PTBP3: variants seen among roughly 807,000 people sequenced by gnomAD.
The protein encoded by PTBP3 is polypyrimidine tract-binding protein 3.
PTBP3 carries 20 observed loss-of-function variants against 58.7 expected under a neutral mutation model. The ratio of observed to expected loss-of-function variants is 0.34; its 90% CI spans 0.24 to 0.50. PTBP3 has a LOEUF of 0.50. PTBP3 is among the 20% of genes least tolerant of loss of function. PTBP3 has a pLI of 0.98. For missense variants in PTBP3, 509 were observed against 637.2 expected, an observed-to-expected ratio of 0.80 and a Z score of 2.17; for synonymous variants, 185 against 219.8, an observed-to-expected ratio of 0.84 and a Z score of 1.40.
chr9:112,220,313 C>G lies in PTBP3; in HGVS notation c.*3538G>C. ...AGGCGTGGTGGCTCATGCCTGTAATCCCAGCACTGTGGGGAGGTGGAAGCA... is the reference window on the plus strand; with the variant it reads ...AGGCGTGGTGGCTCATGCCTGTAATGCCAGCACTGTGGGGAGGTGGAAGCA... On this transcript the variant is annotated 3_prime_UTR_variant, in exon 14 of 14. Coordinates refer to ENST00000374257, the MANE Select transcript of PTBP3 (RefSeq NM_001163788.4). 1 of 1,307,828 alleles carries G rather than the reference C, an allele frequency of 7.6e-7. No homozygotes were observed. Among genetic ancestry groups the G allele is most frequent in the Non-Finnish European group, 1.0e-6 (1 of 998,604 alleles). The allele number at this position is 1,307,828 out of a possible 1,614,324, so 81.0% of individuals were successfully genotyped here. A position where few individuals can be genotyped will look rare whatever the true frequency, so the allele number is the denominator to read the frequency against.
chr9:112,251,124 A>T, intron 6 of PTBP3, 21 bp from the exon 7 acceptor site: 1 of 1,526,788 alleles, frequency 6.5e-7, no homozygotes, highest in Non-Finnish European at 8.8e-7. Flanking sequence ...TAAGAAAGGG[A>T]CTGGTTTTGG....
chr9:112,359,103 G>C, the PTBP3 span, among the ~76,000 whole-genome samples: 3 of 151,974 alleles, frequency 2.0e-5, no homozygotes, highest in African/African-American at 7.2e-5. Flanking sequence ...TCAAAGTGCT[G>C]GGATTACAGG....
intron 1 of PTBP3, among the ~76,000 whole-genome samples, chr9:112,330,044 G>T (rs1036492583): frequency 2.0e-5 from 3 of 151,856 alleles, no homozygotes; most frequent in Admixed American, 6.6e-5. Context: ...TAGAGATAGG[G>T]TTTCACTATG....
chr9:112,268,864 T>C (rs765647901), intron 3 of PTBP3, among the ~76,000 whole-genome samples: 46 of 152,276 alleles, frequency 3.0e-4, no homozygotes, highest in Non-Finnish European at 6.3e-4. Flanking sequence ...TGTAAACGGA[T>C]GCTTTCAGCG....
chr9:112,315,846 A>G (rs1055891722), intron 1 of PTBP3, among the ~76,000 whole-genome samples: 1 of 152,204 alleles, frequency 6.6e-6, no homozygotes, highest in African/African-American at 2.4e-5. Flanking sequence ...TTGTCTTTCA[A>G]GGAATTTGTA....
intron 7 of PTBP3, among the ~76,000 whole-genome samples, chr9:112,237,466 T>C (rs1835478744): frequency 1.3e-5 from 2 of 152,172 alleles, no homozygotes; most frequent in South Asian, 4.2e-4. Context: ...ACCCATGAAA[T>C]CAGTTTATCA....
the PTBP3 span, among the ~76,000 whole-genome samples, chr9:112,378,418 C>G: frequency 6.6e-6 from 1 of 152,114 alleles, no homozygotes; most frequent in Non-Finnish European, 1.5e-5. Context: ...GCTCTCTTTC[C>G]GTAACAAATG....
At position 112,221,226 on chromosome 9, in the gene PTBP3, T is replaced by C. The variant is rs982330002; in HGVS notation, c.*2625A>G. The C allele has an allele frequency of 1.0e-6, 1 of 985,266 alleles. No homozygotes were observed. Among genetic ancestry groups the C allele is most frequent in the Non-Finnish European group, 1.2e-6 (1 of 829,410 alleles). The allele number at this position is 985,266 out of a possible 1,614,324, so 61.0% of individuals were successfully genotyped here. A position where few individuals can be genotyped will look rare whatever the true frequency, so the allele number is the denominator to read the frequency against. ...AATGTATGTAATGTGCATATGTATA[T>C]ACAACTTTAGAAGAGTGTATTTATG... On this transcript the variant is annotated 3_prime_UTR_variant, in exon 14 of 14. Transcript: ENST00000374257.
At chr9:112,327,322 T>C (rs1306253365) in intron 1 of PTBP3, among the ~76,000 whole-genome samples, 1 of 151,978 alleles carries the variant, frequency 6.6e-6, no homozygotes, top group Non-Finnish European at 1.5e-5. Flanking sequence ...TCCCAGCACT[T>C]TGGGAGGCCG....
chr9:112,292,524 A>T (rs1828482511), intron 2 of PTBP3, among the ~76,000 whole-genome samples: 1 of 152,226 alleles, frequency 6.6e-6, no homozygotes. Context: ...AAGAGGTGGA[A>T]GCAACCTAAA....
intron 7 of PTBP3, among the ~76,000 whole-genome samples, chr9:112,246,976 T>C (rs571956054): frequency 7.6e-4 from 116 of 152,252 alleles, no homozygotes; most frequent in African/African-American, 2.6e-3. Context: ...GACATCTATA[T>C]TGAAAGACAT....
chr9:112,307,521 T>C lies in PTBP3; in HGVS notation c.-51-9605A>G, dbSNP rs557133118. ...CCGGGAAATGTTTTATCATTCTTTA[T>C]ATAAAATAAACAAGACGTTTCTGAA... On this transcript the variant is annotated intron_variant, in intron 1 of 13. Coordinates refer to ENST00000374257, the MANE Select transcript of PTBP3 (RefSeq NM_001163788.4). 1.6e-4 allele frequency among the ~76,000 whole-genome samples: 25 copies of C among 152,326 alleles called. No homozygotes were observed. The South Asian group carries it at 5.0e-3, about 30-fold the overall frequency.
rs1835476577 is a variant in PTBP3, at chr9:112,237,408, A to G, written c.803-2511T>C. On this transcript the variant is annotated intron_variant, in intron 7 of 13. Transcript: ENST00000374257. ...CTTCACATTTGGAAAATGTACCACC[A>G]TGATAGCAACCAAGGCAATACGAAT... Among the ~76,000 whole-genome samples, 4 of 152,176 alleles carry G rather than the reference A, an allele frequency of 2.6e-5. No individual in the cohort carries two copies. In the South Asian group the frequency reaches 6.2e-4, roughly 24 times the overall value.
chr9:112,268,092 G>A lies in PTBP3; in HGVS notation c.308C>T (p.Ser103Phe), dbSNP rs779530124. The A allele has an allele frequency of 1.9e-6, 3 of 1,613,496 alleles. No individual in the cohort carries two copies. The highest frequency in any genetic ancestry group is 1.1e-5 in the South Asian group (1 of 90,996). Residue 103 changes from serine to phenylalanine, a missense_variant, in exon 4 of 14, where the codon TCC becomes TTC. Physicochemically the swap from Ser to Phe is radical, Grantham distance 155. This residue lies in a region of PTBP3 where 212 missense variants were observed against 215.3 expected (regional missense o/e 0.98). Coordinates refer to ENST00000374257, the MANE Select transcript of PTBP3 (RefSeq NM_001163788.4). Reference sequence around the variant, plus strand: ...GTCAGTCTTAAGTTCTCTGTGATTGGAATACTGAATATAAACAGGCTGGCT... The same window carrying A: ...GTCAGTCTTAAGTTCTCTGTGATTGAAATACTGAATATAAACAGGCTGGCT... ...LRSQPVYIQY[S>F]NHRELKTDNL...
At chr9:112,262,310 T>A in intron 5 of PTBP3, 125 bp downstream of exon 5, 1 of 825,768 alleles carries the variant, frequency 1.2e-6, no homozygotes, top group Non-Finnish European at 1.7e-6. Context: ...TAGATGAAGT[T>A]TTTTTCATTA....
chr9:112,359,315 C>T, the PTBP3 span, among the ~76,000 whole-genome samples: 3 of 151,568 alleles, frequency 2.0e-5, no homozygotes, highest in Non-Finnish European at 2.9e-5. Flanking sequence ...GGTATGATGG[C>T]GGGAACCTGC....
chr9:112,312,090 C>T (rs71503522), intron 1 of PTBP3, among the ~76,000 whole-genome samples: 4,615 of 152,186 alleles, frequency 0.03, 103 homozygotes, highest in Middle Eastern at 0.044. Context: ...ATAGGTAATA[C>T]ACTCAAATAT....
chr9:112,250,227 A>T (rs566666119), intron 7 of PTBP3, among the ~76,000 whole-genome samples: 1 of 152,266 alleles, frequency 6.6e-6, no homozygotes, highest in Non-Finnish European at 1.5e-5. Context: ...AAAATCAATC[A>T]CAAAAGGTAG....
At chr9:112,348,500 C>A in the PTBP3 span, among the ~76,000 whole-genome samples, 1 of 152,212 alleles carries the variant, frequency 6.6e-6, no homozygotes, top group African/African-American at 2.4e-5. Context: ...TGCACAAGTT[C>A]GGTAAACACA....
Sources: allele counts gnomAD v4.1 joint callset (sites outside exome capture counted in the v4.1 genomes callset), GRCh38; gene constraint gnomAD v4.1.1; regional missense constraint gnomAD v4.1.1; transcripts MANE v1.5; gene names NCBI Gene and HGNC (gene_info 2026-07-23, HGNC 2026-07-21).